BMERB1: variants seen among roughly 807,000 people sequenced by gnomAD.
BMERB1 encodes bMERB domain-containing protein 1.
A neutral mutation model predicts 23.6 loss-of-function variants in BMERB1; 12 were observed. The observed-to-expected ratio is 0.51, with a 90% confidence interval of 0.33 to 0.82. The LOEUF (loss-of-function observed/expected upper bound fraction) is 0.82, where lower values mean the gene tolerates loss of function less well. Ranked by LOEUF, BMERB1 falls within the 40% of genes least tolerant of loss-of-function variation. BMERB1 has a pLI of 0.03. For synonymous variants in BMERB1, 122 were observed against 96.6 expected (o/e 1.26, Z -1.54); for missense variants, 247 against 255.4 (o/e 0.97, Z 0.22).
At chr16:15,551,057 G>A (rs1317960459) in intron 2 of BMERB1, among the ~76,000 whole-genome samples, 2 of 152,198 alleles carry the variant, frequency 1.3e-5, no homozygotes, top group Admixed American at 6.5e-5. Flanking sequence ...CAGATGCTGA[G>A]CCAGCTCAGA....
intron 1 of BMERB1, among the ~76,000 whole-genome samples, chr16:15,441,066 G>GT (rs2050935454): frequency 1.3e-5 from 2 of 152,160 alleles, no homozygotes; most frequent in African/African-American, 4.8e-5. Context: ...GTGAGTCAGG[G>GT]TGAAGGGCAG....
At chr16:15,443,171 C>T (rs1041883395) in intron 1 of BMERB1, among the ~76,000 whole-genome samples, 3 of 151,752 alleles carry the variant, frequency 2.0e-5, no homozygotes, top group Non-Finnish European at 2.9e-5. Flanking sequence ...TCACTTGAAC[C>T]GGGGAGGCAG....
chr16:15,545,528 CA>C (rs1168642738), intron 2 of BMERB1, among the ~76,000 whole-genome samples: 1 of 152,000 alleles, frequency 6.6e-6, no homozygotes. Flanking sequence ...CTGACTCAAC[CA>C]AAAAATGGGA....
chr16:15,534,307 A>G (rs972978461), intron 2 of BMERB1, among the ~76,000 whole-genome samples: 19 of 150,676 alleles, frequency 1.3e-4, no homozygotes, highest in East Asian at 3.9e-4. Context: ...AAAAAAAAAA[A>G]AAAAAAAAGA....
intron 1 of BMERB1, among the ~76,000 whole-genome samples, chr16:15,438,794 G>A (rs1025745525): frequency 6.6e-6 from 1 of 152,090 alleles, no homozygotes; most frequent in African/African-American, 2.4e-5. Context: ...CGCAGGGGGT[G>A]TTTGATTAAA....
At chr16:15,465,358 T>C (rs868865018) in intron 1 of BMERB1, among the ~76,000 whole-genome samples, 2,158 of 151,432 alleles carry the variant, frequency 0.014, 55 homozygotes, top group African/African-American at 0.051. Context: ...TATATATTTT[T>C]TTTTTTTTTT....
At chr16:15,543,492 A>C (rs1238064799) in intron 2 of BMERB1, among the ~76,000 whole-genome samples, 1 of 152,102 alleles carries the variant, frequency 6.6e-6, no homozygotes, top group Non-Finnish European at 1.5e-5. Flanking sequence ...GCTGCTGCTG[A>C]TACCTGGGGA....
At chr16:15,450,821 T>C (rs2051035377) in intron 1 of BMERB1, among the ~76,000 whole-genome samples, 1 of 152,178 alleles carries the variant, frequency 6.6e-6, no homozygotes, top group Non-Finnish European at 1.5e-5. Flanking sequence ...GCTGCTTGGC[T>C]TCGATGCTAT....
intron 1 of BMERB1, among the ~76,000 whole-genome samples, chr16:15,483,355 T>A (rs2051340640): frequency 6.6e-6 from 1 of 152,146 alleles, no homozygotes; most frequent in Admixed American, 6.6e-5. Flanking sequence ...AACGGAGTGG[T>A]TGAGAGTTGT....
At chr16:15,496,166 G>T (rs775610006) in intron 1 of BMERB1, among the ~76,000 whole-genome samples, 130 of 150,852 alleles carry the variant, frequency 8.6e-4, no homozygotes, top group Non-Finnish European at 1.5e-3. Flanking sequence ...ATGTGCTAGT[G>T]ATGGTGATAA....
chr16:15,461,956 ACAG>A (rs1035962763), intron 1 of BMERB1, among the ~76,000 whole-genome samples: 2 of 151,898 alleles, frequency 1.3e-5, no homozygotes, highest in African/African-American at 4.8e-5. Flanking sequence ...AACAACAACA[ACAG>A]CAGCAGCAAC....
In BMERB1 at chr16:15,587,703, T is replaced by G. The variant is rs549468767; in HGVS notation, c.*874T>G. ...ACTTTGCCAGCCCGACACACGGACC[T>G]TTGTAAAGAACAGCAACAGGCAGGA... On this transcript the variant is annotated 3_prime_UTR_variant, in exon 6 of 6. Transcript: ENST00000300006. 3.5e-6 allele frequency: 1 copy of G among 288,704 alleles called. No individual in the cohort carries two copies. The allele number at this position is 288,704 out of a possible 1,614,324, so 17.9% of individuals were successfully genotyped here.
chr16:15,574,684 A>C (rs909871546), intron 3 of BMERB1, among the ~76,000 whole-genome samples: 1 of 152,130 alleles, frequency 6.6e-6, no homozygotes, highest in South Asian at 2.1e-4. Context: ...ATTTTGGCCT[A>C]AAAGGGCTGC....
chr16:15,499,352 C>T (rs1455648963), intron 1 of BMERB1, among the ~76,000 whole-genome samples: 3 of 150,272 alleles, frequency 2.0e-5, no homozygotes, highest in African/African-American at 7.4e-5. Flanking sequence ...GAGCCGAGAT[C>T]ACACCACTGC....
chr16:15,514,115 A>T (rs2051713837), intron 1 of BMERB1, among the ~76,000 whole-genome samples: 1 of 151,800 alleles, frequency 6.6e-6, no homozygotes, highest in Non-Finnish European at 1.5e-5. Context: ...CTACAAAAAA[A>T]TAAAAATTAA....
chr16:15,457,983 C>G (rs192168485), intron 1 of BMERB1, among the ~76,000 whole-genome samples: 2 of 152,238 alleles, frequency 1.3e-5, no homozygotes, highest in Admixed American at 6.5e-5. Context: ...TCAGGTCTCT[C>G]GAGAATTCAC....
At chr16:15,492,833 C>T (rs891601745) in intron 1 of BMERB1, among the ~76,000 whole-genome samples, 1 of 151,882 alleles carries the variant, frequency 6.6e-6, no homozygotes, top group Non-Finnish European at 1.5e-5. Context: ...GCAGGAGAAT[C>T]GCTTGAACCC....
At chr16:15,543,234 T>C (rs1714153678) in intron 2 of BMERB1, among the ~76,000 whole-genome samples, 2 of 152,066 alleles carry the variant, frequency 1.3e-5, no homozygotes. Flanking sequence ...GTTCAGACAC[T>C]TCTTCTCTTC....
intron 2 of BMERB1, among the ~76,000 whole-genome samples, chr16:15,525,386 C>G (rs1419375368): frequency 6.6e-6 from 1 of 152,082 alleles, no homozygotes; most frequent in Non-Finnish European, 1.5e-5. Flanking sequence ...CCTCCAAAAT[C>G]CCATGAGCCA....
Sources: gnomAD v4.1 joint callset for allele counts (sites outside exome capture counted in the v4.1 genomes callset) on GRCh38, gnomAD v4.1.1 for gene constraint, MANE v1.5 for transcripts, NCBI Gene and HGNC (gene_info 2026-07-23, HGNC 2026-07-21) for gene names.